MAP4K3: variants seen among roughly 807,000 people sequenced by gnomAD.
MAP4K3 encodes the protein MAPK/ERK kinase kinase kinase 3.
Under a neutral mutation model 143.5 loss-of-function variants are expected in MAP4K3, and 94 were observed. The observed-to-expected ratio is 0.65, with a 90% CI of 0.55 to 0.78. MAP4K3 has a LOEUF of 0.78. MAP4K3 is among the 30% of genes least tolerant of loss of function. The probability of loss-of-function intolerance (pLI) is 0.00; values close to 1 mark genes in which losing one functional copy is unlikely to be tolerated. For synonymous variants in MAP4K3, 416 were observed against 347.2 expected (o/e 1.20, Z -2.20); for missense variants, 1,077 against 1,068.1 (o/e 1.01, Z -0.12).
intron 2 of MAP4K3, among the ~76,000 whole-genome samples, chr2:39,361,343 TTA>T (rs1665765343): frequency 6.6e-6 from 1 of 152,128 alleles, no homozygotes; most frequent in African/African-American, 2.4e-5. Context: ...ACTTAACATA[TTA>T]TATGTTTACT....
chr2:39,323,351 T>C (rs1018134077), intron 12 of MAP4K3: 1 of 152,206 alleles, frequency 6.6e-6, no homozygotes, highest in Non-Finnish European at 1.5e-5. Flanking sequence ...TGGTTTATTA[T>C]TTCTGTTCTT....
intron 2 of MAP4K3, among the ~76,000 whole-genome samples, chr2:39,370,556 G>A (rs1449848011): frequency 5.3e-5 from 8 of 152,110 alleles, no homozygotes; most frequent in African/African-American, 1.9e-4. Context: ...AACTTTGGAG[G>A]TCCATGAAAA....
chr2:39,254,337 A>C lies in MAP4K3; in HGVS notation c.2541+113T>G. On this transcript the variant is annotated intron_variant, in intron 32 of 33. Coordinates refer to ENST00000263881, the MANE Select transcript of MAP4K3 (RefSeq NM_003618.4). The stretch of plus-strand genomic sequence containing the variant: ...ACTTTATCAATAGACTAAATACAGT[A>C]AGTATTAATAAAGTTAGCCAATCAA... The C allele has an allele frequency of 6.4e-6, 5 of 778,310 alleles. No homozygotes were observed. The Admixed American group carries it at 8.2e-5, about 13-fold the overall frequency. The allele number at this position is 778,310 out of a possible 1,614,324, so 48.2% of individuals were successfully genotyped here. A position where few individuals can be genotyped will look rare whatever the true frequency, so the allele number is the denominator to read the frequency against.
intron 1 of MAP4K3, among the ~76,000 whole-genome samples, chr2:39,382,096 G>A (rs1023505977): frequency 6.6e-6 from 1 of 152,188 alleles, no homozygotes; most frequent in African/African-American, 2.4e-5. Flanking sequence ...GATTCAGTGA[G>A]CCTTTCAGAG....
chr2:39,266,808 A>G (rs1303595829), intron 27 of MAP4K3, among the ~76,000 whole-genome samples: 1 of 152,120 alleles, frequency 6.6e-6, no homozygotes, highest in East Asian at 1.9e-4. Flanking sequence ...ATAAAAATAC[A>G]TGCTGAAGGA....
At chr2:39,349,962 A>G (rs974244012) in intron 3 of MAP4K3, among the ~76,000 whole-genome samples, 1 of 152,182 alleles carries the variant, frequency 6.6e-6, no homozygotes, top group Non-Finnish European at 1.5e-5. Flanking sequence ...TTTTGCTTAG[A>G]GTAGTAGTTC....
chr2:39,257,836 A>G (rs1377883552), intron 31 of MAP4K3, among the ~76,000 whole-genome samples: 2 of 151,460 alleles, frequency 1.3e-5, no homozygotes, highest in Non-Finnish European at 2.9e-5. Context: ...ACTTCTTACC[A>G]GGAAGATAAC....
At chr2:39,321,292 C>T (rs79737330) in intron 12 of MAP4K3, among the ~76,000 whole-genome samples, 1 of 152,064 alleles carries the variant, frequency 6.6e-6, no homozygotes, top group Non-Finnish European at 1.5e-5. Context: ...CTTATTACCC[C>T]CCAACCCCGT....
At chr2:39,330,847 G>C (rs1011834004) in intron 8 of MAP4K3, among the ~76,000 whole-genome samples, 31 of 152,008 alleles carry the variant, frequency 2.0e-4, no homozygotes, top group Admixed American at 2.0e-3. Context: ...ATCAGGAAAA[G>C]CTTTTTTCAG....
intron 16 of MAP4K3, among the ~76,000 whole-genome samples, chr2:39,299,302 C>A (rs187878293): frequency 1.1e-4 from 16 of 152,222 alleles, no homozygotes; most frequent in Admixed American, 5.2e-4. Context: ...TTCAGACACA[C>A]ATTTTAACTG....
At chr2:39,292,400 G>T (rs77904326) in intron 18 of MAP4K3, among the ~76,000 whole-genome samples, 2 of 152,002 alleles carry the variant, frequency 1.3e-5, no homozygotes, top group African/African-American at 4.8e-5. Flanking sequence ...GTGATCTTAC[G>T]AGAGAGAGAG....
At chr2:39,320,741 G>C (rs148974112) in intron 12 of MAP4K3, among the ~76,000 whole-genome samples, 10 of 152,182 alleles carry the variant, frequency 6.6e-5, no homozygotes, top group Non-Finnish European at 1.5e-4. Context: ...TCACACTAAG[G>C]TCTCTCAACC....
chr2:39,297,726 G>C (rs1682341235), intron 16 of MAP4K3, among the ~76,000 whole-genome samples: 1 of 152,160 alleles, frequency 6.6e-6, no homozygotes, highest in Non-Finnish European at 1.5e-5. Context: ...AATACAGCAA[G>C]AGAAGTGCTA....
At chr2:39,321,236 C>G (rs1470882020) in intron 12 of MAP4K3, among the ~76,000 whole-genome samples, 8 of 152,048 alleles carry the variant, frequency 5.3e-5, no homozygotes, top group African/African-American at 1.9e-4. Flanking sequence ...CCATTTTGTT[C>G]TATACTAAAA....
intron 6 of MAP4K3, among the ~76,000 whole-genome samples, chr2:39,334,575 T>C (rs1330578385): frequency 1.3e-5 from 2 of 152,192 alleles, no homozygotes; most frequent in South Asian, 2.1e-4. Context: ...GCAGGGATTT[T>C]AACTTGATCT....
At chr2:39,287,234 AT>A (rs1224670865) in intron 20 of MAP4K3, among the ~76,000 whole-genome samples, 2 of 151,970 alleles carry the variant, frequency 1.3e-5, no homozygotes, top group African/African-American at 4.8e-5. Context: ...CAAATACTGA[AT>A]TCATAACTAC....
At chr2:39,268,520 C>T (rs538400341) in intron 26 of MAP4K3, among the ~76,000 whole-genome samples, 2 of 151,816 alleles carry the variant, frequency 1.3e-5, no homozygotes, top group East Asian at 3.9e-4. Flanking sequence ...GGGGTTGTGC[C>T]ACTTTGCCCA....
chr2:39,427,225 A>G (rs532015727), intron 1 of MAP4K3, among the ~76,000 whole-genome samples: 7 of 152,090 alleles, frequency 4.6e-5, no homozygotes, highest in South Asian at 2.1e-4. Context: ...ACCCCACTAA[A>G]CTATGATTTA....
At chr2:39,370,954 A>AAT (rs948013151) in intron 2 of MAP4K3, among the ~76,000 whole-genome samples, 1 of 152,116 alleles carries the variant, frequency 6.6e-6, no homozygotes. Flanking sequence ...AGCCCCAAAG[A>AAT]ATATATATAT....
Sources: gnomAD v4.1 joint callset for allele counts (sites outside exome capture counted in the v4.1 genomes callset) on GRCh38, gnomAD v4.1.1 for gene constraint, MANE v1.5 for transcripts, NCBI Gene and HGNC (gene_info 2026-07-23, HGNC 2026-07-21) for gene names.